Variants in CSDC2 observed in about 807,000 individuals in gnomAD.
CSDC2 encodes cold shock domain containing C2.
CSDC2 carries 8 observed loss-of-function variants against 15.8 expected under a neutral mutation model. The ratio of observed to expected loss-of-function variants is 0.51; its 90% CI spans 0.30 to 0.92. The LOEUF is 0.92. Ranked by LOEUF, CSDC2 falls within the 40% of genes least tolerant of loss-of-function variation. CSDC2 has a pLI of 0.07. For missense variants in CSDC2, 195 were observed against 213.3 expected (o/e 0.91, Z 0.53); for synonymous variants, 96 against 92.3 (o/e 1.04, Z -0.23).
intron 1 of CSDC2, among the ~76,000 whole-genome samples, chr22:41,568,606 C>T (rs1269961026): frequency 2.0e-5 from 3 of 152,210 alleles, no homozygotes; most frequent in Non-Finnish European, 4.4e-5. Flanking sequence ...CTTGTGATCC[C>T]CATTTCCCAG....
At chr22:41,562,261 ACTCC>A (rs2067090398) in intron 1 of CSDC2, among the ~76,000 whole-genome samples, 3 of 151,552 alleles carry the variant, frequency 2.0e-5, no homozygotes, top group Non-Finnish European at 4.4e-5. Context: ...CCCAAACCTG[ACTCC>A]ATCCCAGAGT....
chr22:41,569,695 G>A (rs2067135185), intron 1 of CSDC2, among the ~76,000 whole-genome samples: 1 of 151,816 alleles, frequency 6.6e-6, no homozygotes, highest in African/African-American at 2.4e-5. Context: ...ATGGGCTCGG[G>A]CTGTTTTCAC....
chr22:41,566,496 G>C (rs1347365767), intron 1 of CSDC2, among the ~76,000 whole-genome samples: 2 of 149,986 alleles, frequency 1.3e-5, no homozygotes, highest in African/African-American at 2.5e-5. Flanking sequence ...GTGTGGTGGT[G>C]GGCGTCTGTA....
chr22:41,568,477 CTTTCACCA>C (rs2067128305), intron 1 of CSDC2, among the ~76,000 whole-genome samples: 1 of 152,200 alleles, frequency 6.6e-6, no homozygotes, highest in Non-Finnish European at 1.5e-5. Context: ...TAGACACAAG[CTTTCACCA>C]TGTTGCCCCA....
rs2067160361 is a variant in CSDC2, at chr22:41,573,768, A to T, written c.290A>T (p.His97Leu). Residue 97 changes from histidine to leucine, a missense_variant, in exon 3 of 4, where the codon CAT (histidine) becomes CTT (leucine). Transcript: ENST00000306149. The stretch of plus-strand genomic sequence containing the variant: ...AACGGGTCCGAGGACATCTTCGTAC[A>T]TGTGTCTGAGTGAGTCCCCTCCACC... The part of the protein sequence containing the change: ...PENGSEDIFV[H>L]VSDIEGEYVP... 6.2e-7 allele frequency: 1 copy of T among 1,612,630 alleles called. No individual in the cohort carries two copies. Among genetic ancestry groups the T allele is most frequent in the African/African-American group, 1.3e-5 (1 of 74,692 alleles).
chr22:41,569,245 C>A (rs1208143770), intron 1 of CSDC2, among the ~76,000 whole-genome samples: 1 of 152,246 alleles, frequency 6.6e-6, no homozygotes, highest in Non-Finnish European at 1.5e-5. Context: ...CTTTGCTGCC[C>A]CGTCTTCTTT....
rs535084787 is a variant in CSDC2, at chr22:41,570,271, G to C, written c.-123-1572G>C. Reference sequence around the variant, plus strand: ...GGGCTCCAGTGCCTTCCTGACTGGAGGGGGAGGGTTTTGGGAGGAGGGAGG... The same window carrying C: ...GGGCTCCAGTGCCTTCCTGACTGGACGGGGAGGGTTTTGGGAGGAGGGAGG... On this transcript the variant is annotated intron_variant, in intron 1 of 3. Coordinates refer to ENST00000306149, the MANE Select transcript of CSDC2 (RefSeq NM_014460.4). 2.3e-4 allele frequency among the ~76,000 whole-genome samples: 35 copies of C among 152,344 alleles called. No homozygotes were observed. In the South Asian group the frequency reaches 7.0e-3, roughly 31 times the overall value.
At chr22:41,564,368 T>C (rs2067102929) in intron 1 of CSDC2, among the ~76,000 whole-genome samples, 1 of 152,020 alleles carries the variant, frequency 6.6e-6, no homozygotes, top group Non-Finnish European at 1.5e-5. Context: ...CACACCATCC[T>C]CCGGCCTCAG....
intron 1 of CSDC2, among the ~76,000 whole-genome samples, chr22:41,562,740 T>C (rs2067093810): frequency 1.3e-5 from 2 of 152,044 alleles, no homozygotes; most frequent in African/African-American, 2.4e-5. Context: ...GTTCAGACCT[T>C]TGTCCATGCT....
chr22:41,568,907 C>T (rs2067130622), intron 1 of CSDC2, among the ~76,000 whole-genome samples: 1 of 152,266 alleles, frequency 6.6e-6, no homozygotes, highest in Non-Finnish European at 1.5e-5. Flanking sequence ...GCCGCACAGT[C>T]ACTTGGGTGG....
In CSDC2 at chr22:41,561,045, GACACACACACACACACACACACAC is replaced by G. The variant is rs61037464; in HGVS notation, c.-248_-225del. On this transcript the variant is annotated 5_prime_UTR_variant, in exon 1 of 4. Transcript: ENST00000306149. ...GGTACCGCCCGCGCGAGCACACACAGACACACACACACACACACACACACACACACACACACATCTTCCAGACCC... is the reference window on the plus strand; with the variant it reads ...GGTACCGCCCGCGCGAGCACACACAGACACACACACACATCTTCCAGACCC... The G allele has an allele frequency of 1.5e-5, 2 of 132,058 alleles. No homozygotes were observed. The highest frequency in any genetic ancestry group is 3.3e-5 in the Non-Finnish European group (2 of 60,574). 8.2% of individuals were successfully genotyped at this position (132,058 alleles called of 1,614,324 possible). A position where few individuals can be genotyped will look rare whatever the true frequency, so the allele number is the denominator to read the frequency against.
chr22:41,564,100 AAAG>A (rs1601990534), intron 1 of CSDC2, among the ~76,000 whole-genome samples: 2 of 147,026 alleles, frequency 1.4e-5, no homozygotes, highest in Admixed American at 7.0e-5. Context: ...AAAAAAAAAA[AAAG>A]AAGAAGAAGA....
At chr22:41,570,982 C>CA (rs527329866) in intron 1 of CSDC2, among the ~76,000 whole-genome samples, 25,122 of 82,116 alleles carry the variant, frequency 0.31, 2,841 homozygotes, top group Admixed American at 0.46. Context: ...GACCATGTCT[C>CA]AAAAAAAAAA....
chr22:41,571,884 C>T lies in CSDC2; in HGVS notation c.-82C>T, dbSNP rs1433498321. 1.5e-5 allele frequency: 14 copies of T among 964,484 alleles called. No homozygotes were observed. The highest frequency in any genetic ancestry group is 8.6e-5 in the Admixed American group (2 of 23,386). The allele number at this position is 964,484 out of a possible 1,614,324, so 59.7% of individuals were successfully genotyped here. On this transcript the variant is annotated 5_prime_UTR_variant, in exon 2 of 4. Coordinates refer to ENST00000306149, the MANE Select transcript of CSDC2 (RefSeq NM_014460.4). ...GTGAGGCCGCAGAGCAGGGCCAGGC[C>T]GGGCCCTGCCCGCAAGGACGACCAA...
rs61743476 is a variant in CSDC2, at chr22:41,574,766, C to T, written c.333C>T (p.Asp111=). The T allele has an allele frequency of 1.7e-3, 2,715 of 1,613,770 alleles. 51 individuals carry two copies. In the African/African-American group the frequency reaches 0.031, roughly 18 times the overall value. The part of the protein sequence containing the change: ...IEGEYVPVEG[D]EVTYKMCPIP... ...GGGAGTACGTGCCAGTGGAGGGCGA[C>T]GAGGTGACCTACAAGATGTGCCCTA... Residue 111 remains aspartate (D), a synonymous_variant, in exon 4 of 4, where the codon GAC becomes GAT. Coordinates refer to ENST00000306149, the MANE Select transcript of CSDC2 (RefSeq NM_014460.4).
chr22:41,571,599 C>T (rs947003893), intron 1 of CSDC2, among the ~76,000 whole-genome samples: 2 of 152,172 alleles, frequency 1.3e-5, no homozygotes, highest in East Asian at 3.9e-4. Flanking sequence ...ACTGGCCACC[C>T]TACCCAGCCA....
At chr22:41,564,615 T>G (rs911260651) in intron 1 of CSDC2, among the ~76,000 whole-genome samples, 1 of 152,236 alleles carries the variant, frequency 6.6e-6, no homozygotes, top group Non-Finnish European at 1.5e-5. Flanking sequence ...TGGGGTGCTC[T>G]AAGGACAGCT....
chr22:41,573,876 T>C (rs891738878), intron 3 of CSDC2, 99 bp downstream of exon 3: 5 of 1,436,260 alleles, frequency 3.5e-6, no homozygotes, highest in Non-Finnish European at 4.7e-6. Context: ...CTGGCTGAGG[T>C]CTGTATTCAT....
intron 2 of CSDC2, among the ~76,000 whole-genome samples, 170 bp downstream of exon 2, chr22:41,572,311 TCCAC>T (rs2067149045): frequency 1.4e-5 from 2 of 142,072 alleles, no homozygotes; most frequent in Non-Finnish European, 3.1e-5. Flanking sequence ...CATCCACCCA[TCCAC>T]CCATCCATCC....
Sources: allele counts gnomAD v4.1 joint callset (sites outside exome capture counted in the v4.1 genomes callset), GRCh38; gene constraint gnomAD v4.1.1; transcripts MANE v1.5; gene names NCBI Gene and HGNC (gene_info 2026-07-23, HGNC 2026-07-21).